Variants in RSPRY1 observed in about 807,000 individuals in gnomAD.
The protein encoded by RSPRY1 is ring finger and SPRY domain containing 1.
In RSPRY1, 23 loss-of-function variants were observed where a neutral mutation model predicts 73.1. That is an observed-to-expected ratio of 0.31 (90% confidence interval 0.23 to 0.45). The LOEUF (loss-of-function observed/expected upper bound fraction) is 0.45, where lower values mean the gene tolerates loss of function less well. Ranked by LOEUF, RSPRY1 falls within the 20% of genes least tolerant of loss-of-function variation. The pLI, the probability that RSPRY1 is intolerant of heterozygous loss-of-function variation, is 1.00. For synonymous variants in RSPRY1, 226 were observed against 251.4 expected (o/e 0.90, Z 0.95); for missense variants, 448 against 698.7 (o/e 0.64, Z 4.05).
chr16:57,215,318 GA>G (rs1323207940), intron 6 of RSPRY1, among the ~76,000 whole-genome samples: 1 of 152,206 alleles, frequency 6.6e-6, no homozygotes, highest in African/African-American at 2.4e-5. Context: ...CAGGCAGAGG[GA>G]TTTAGATGGA....
chr16:57,201,131 G>A (rs1421642399), intron 1 of RSPRY1, among the ~76,000 whole-genome samples: 2 of 151,810 alleles, frequency 1.3e-5, no homozygotes, highest in Non-Finnish European at 2.9e-5. Flanking sequence ...CGGAGTGGCT[G>A]CCGGGCGGAG....
chr16:57,216,489 C>G (rs78421029), intron 7 of RSPRY1: 1 of 349,790 alleles, frequency 2.9e-6, no homozygotes, highest in East Asian at 5.7e-5. Context: ...AAGCTAAGGC[C>G]AGAGCATTGC....
intron 13 of RSPRY1, among the ~76,000 whole-genome samples, chr16:57,234,227 T>G (rs2075269226): frequency 6.6e-6 from 1 of 152,140 alleles, no homozygotes; most frequent in South Asian, 2.1e-4. Flanking sequence ...CCGAAACGGT[T>G]TCTCCAAACA....
chr16:57,213,811 A>G, intron 5 of RSPRY1, 77 bp from the exon 6 acceptor site: 1 of 1,105,048 alleles, frequency 9.0e-7, no homozygotes, highest in South Asian at 1.2e-5. Flanking sequence ...AGTTCTACCA[A>G]AACAATTTGA....
At chr16:57,190,483 C>A (rs184654175) in intron 1 of RSPRY1, among the ~76,000 whole-genome samples, 2 of 152,300 alleles carry the variant, frequency 1.3e-5, no homozygotes, top group Admixed American at 1.3e-4. Flanking sequence ...CACAGTGGAA[C>A]CAGCAATCTA....
intron 10 of RSPRY1, among the ~76,000 whole-genome samples, chr16:57,226,082 GAAAA>G (rs200661536): frequency 2.3e-4 from 35 of 150,558 alleles, no homozygotes; most frequent in Non-Finnish European, 3.7e-4. Context: ...CCATCTCAAA[GAAAA>G]AAAAAGAAGA....
intron 14 of RSPRY1, among the ~76,000 whole-genome samples, chr16:57,236,577 G>C: frequency 6.6e-6 from 1 of 152,144 alleles, no homozygotes; most frequent in East Asian, 1.9e-4. Context: ...GGTTATCAAA[G>C]CTACCTTTGC....
chr16:57,196,903 G>A (rs1213332116), intron 1 of RSPRY1, among the ~76,000 whole-genome samples: 1 of 152,200 alleles, frequency 6.6e-6, no homozygotes, highest in Non-Finnish European at 1.5e-5. Flanking sequence ...AATCCCCACA[G>A]TGGTACTGTG....
At position 57,230,819 on chromosome 16, in the gene RSPRY1, T is replaced by C; in HGVS notation, c.1376+6T>C. On this transcript the variant is annotated splice_donor_region_variant and intron_variant, in intron 12 of 14. Transcript: ENST00000394420. ...CAAGTCTTTTCATCTACTGTGTAAG[T>C]AGCTCTTCTCAGTCAAAAATTCGAG... 1 of 1,550,356 alleles carries C rather than the reference T, an allele frequency of 6.5e-7. No individual in the cohort carries two copies. Among genetic ancestry groups the C allele is most frequent in the South Asian group, 1.1e-5 (1 of 89,522 alleles).
chr16:57,199,895 G>GTTTTTTTTTTTTTTTTTTT (rs61132783), intron 1 of RSPRY1, among the ~76,000 whole-genome samples: 3 of 106,250 alleles, frequency 2.8e-5, no homozygotes, highest in Non-Finnish European at 3.7e-5. Context: ...TTTTTTGTTT[G>GTTTTTTTTTTTTTTTTTTT]TTTTTTTTTT....
At chr16:57,211,932 G>C (rs1479070387) in intron 4 of RSPRY1, among the ~76,000 whole-genome samples, 1 of 152,106 alleles carries the variant, frequency 6.6e-6, no homozygotes, top group East Asian at 1.9e-4. Context: ...AAAACATTGT[G>C]GACGGAAGGG....
Position 57,231,174 on chromosome 16 carries a change from T to A in RSPRY1, c.1384T>A (p.Phe462Ile), listed in dbSNP as rs1323466189. Residue 462 changes from phenylalanine to isoleucine, a missense_variant, in exon 13 of 15, where the codon TTT becomes ATT. By Grantham distance (21) the Phe-to-Ile change is conservative (BLOSUM62 0). Coordinates refer to ENST00000394420, the MANE Select transcript of RSPRY1 (RefSeq NM_133368.3). ...TACTCATTTTATTTGTAGATCTGGA[T>A]TTTTTGCTGCAGCTAGTTTCATGTC... ...KQVFSSTVSG[F>I]FAAASFMSYQ... 6.2e-7 allele frequency: 1 copy of A among 1,612,250 alleles called. No homozygotes were observed. Among genetic ancestry groups the A allele is most frequent in the African/African-American group, 1.3e-5 (1 of 74,864 alleles).
intron 1 of RSPRY1, among the ~76,000 whole-genome samples, chr16:57,197,732 T>C (rs1249744578): frequency 1.3e-5 from 2 of 151,850 alleles, no homozygotes; most frequent in African/African-American, 4.9e-5. Flanking sequence ...TTTTTGTTTT[T>C]GTTTTCCCAA....
In RSPRY1 at chr16:57,196,209, T is replaced by G. The variant is rs535172479; in HGVS notation, c.-155-8295T>G. Among the ~76,000 whole-genome samples, 10 of 152,192 alleles carry G rather than the reference T, an allele frequency of 6.6e-5. No homozygotes were observed. In the East Asian group the frequency reaches 1.9e-3, roughly 29 times the overall value. On this transcript the variant is annotated intron_variant, in intron 1 of 14. Transcript: ENST00000394420. ...CCTCATGGGAAATATATGGAGCCAT[T>G]TTTTCCTTTGTGTTGATATGTACTG... is the stretch of plus-strand genomic sequence containing the variant.
Position 57,216,186 on chromosome 16 carries a change from A to T in RSPRY1, c.769+13A>T. 1 of 1,568,512 alleles carries T rather than the reference A, an allele frequency of 6.4e-7. No homozygotes were observed. The highest frequency in any genetic ancestry group is 8.8e-7 in the Non-Finnish European group (1 of 1,139,848). On this transcript the variant is annotated intron_variant, in intron 7 of 14. Transcript: ENST00000394420. The stretch of plus-strand genomic sequence containing the variant: ...TTTGCACAGACAAGTAGGTATAGTG[A>T]CTTCTTGCACTAATGATCTTCTGTA...
intron 2 of RSPRY1, among the ~76,000 whole-genome samples, chr16:57,205,796 G>A (rs2074713963): frequency 6.6e-6 from 1 of 152,072 alleles, no homozygotes; most frequent in Non-Finnish European, 1.5e-5. Flanking sequence ...GTAAATGGGG[G>A]GATAATATTG....
chr16:57,211,095 A>G (rs2074834269), intron 4 of RSPRY1, among the ~76,000 whole-genome samples: 1 of 152,190 alleles, frequency 6.6e-6, no homozygotes, highest in East Asian at 1.9e-4. Flanking sequence ...TCTCTAAGCA[A>G]TTTCCTCATA....
At chr16:57,200,069 T>C (rs2074539181) in intron 1 of RSPRY1, among the ~76,000 whole-genome samples, 1 of 148,282 alleles carries the variant, frequency 6.7e-6, no homozygotes, top group South Asian at 2.2e-4. Context: ...ACAGTGTTTG[T>C]GTCCCTGGGT....
intron 7 of RSPRY1, chr16:57,216,645 A>C (rs1375506777): frequency 2.3e-6 from 1 of 440,904 alleles, no homozygotes; most frequent in Non-Finnish European, 4.1e-6. Context: ...ACTTGAGCCC[A>C]GTAGTTCAAG....
Sources: gnomAD v4.1 joint callset for allele counts (sites outside exome capture counted in the v4.1 genomes callset) on GRCh38, gnomAD v4.1.1 for gene constraint, MANE v1.5 for transcripts, NCBI Gene and HGNC (gene_info 2026-07-23, HGNC 2026-07-21) for gene names.